The following NRG1 variants were observed in gnomAD, a reference collection of about 807,000 sequenced individuals.
The protein encoded by NRG1 is neuregulin 1, also known as pro-neuregulin-1, membrane-bound isoform.
NRG1 carries 18 observed loss-of-function variants against 63.8 expected under a neutral mutation model. That is an observed-to-expected ratio of 0.28 (90% CI 0.19 to 0.42). The LOEUF is 0.42. NRG1 is among the 10% of genes least tolerant of loss of function. The pLI is 1.00. For synonymous variants in NRG1, 302 were observed against 301.3 expected (o/e 1.00, Z -0.02); for missense variants, 762 against 814.7 (o/e 0.94, Z 0.79).
intron 1 of NRG1, among the ~76,000 whole-genome samples, chr8:32,301,767 A>G (rs1375046453): frequency 2.6e-5 from 4 of 152,144 alleles, no homozygotes; most frequent in Non-Finnish European, 4.4e-5. Context: ...ACAGTGCAGG[A>G]AAGACCGGCC....
At chr8:31,983,742 G>A (rs1240895989) in intron 1 of NRG1, among the ~76,000 whole-genome samples, 2 of 152,080 alleles carry the variant, frequency 1.3e-5, no homozygotes, top group South Asian at 2.1e-4. Flanking sequence ...GAATGATAGA[G>A]CAGTATCAGA....
At chr8:32,721,915 C>T in intron 5 of NRG1, 1 of 1,487,628 alleles carries the variant, frequency 6.7e-7, no homozygotes, top group South Asian at 1.4e-5. Context: ...GTTCAGTCTG[C>T]TCATTATACC....
intron 1 of NRG1, among the ~76,000 whole-genome samples, chr8:32,530,297 C>T (rs1355264219): frequency 4.6e-5 from 7 of 152,028 alleles, no homozygotes; most frequent in African/African-American, 9.6e-5. Flanking sequence ...TTTGTAGAGA[C>T]GGGGTTTCAC....
intron 1 of NRG1, among the ~76,000 whole-genome samples, chr8:31,676,204 C>G (rs191317352): frequency 1.3e-5 from 2 of 152,112 alleles, no homozygotes; most frequent in East Asian, 3.9e-4. Context: ...ATGGGAACAG[C>G]CTTTTGCCCG....
At chr8:32,682,021 G>A (rs2128918282) in intron 5 of NRG1, among the ~76,000 whole-genome samples, 1 of 152,256 alleles carries the variant, frequency 6.6e-6, no homozygotes, top group Non-Finnish European at 1.5e-5. Context: ...ATATATTAAT[G>A]AAAATTGTGA....
chr8:31,639,912 GA>G lies in NRG1; in HGVS notation c.37+485del. On this transcript the variant is annotated intron_variant, in intron 1 of 10. Coordinates refer to the NRG1 transcript ENST00000519301. ...GGAGGAGTGGTGCTGCGAGGGGAAG[GA>G]AAAGGGAGGCAGCGCGAGAGAGCCG... The G allele has an allele frequency of 9.1e-6, 10 of 1,098,398 alleles. No homozygotes were observed. In the East Asian group the frequency reaches 1.7e-4, roughly 18 times the overall value. 68.0% of individuals were successfully genotyped at this position (1,098,398 alleles called of 1,614,324 possible).
At chr8:31,810,591 T>C (rs1430875499) in intron 1 of NRG1, among the ~76,000 whole-genome samples, 1 of 152,168 alleles carries the variant, frequency 6.6e-6, no homozygotes, top group Non-Finnish European at 1.5e-5. Flanking sequence ...ATTACTTGGC[T>C]TCCTCCCTCC....
chr8:32,020,753 A>T (rs1037001781), intron 1 of NRG1, among the ~76,000 whole-genome samples: 1 of 152,222 alleles, frequency 6.6e-6, no homozygotes, highest in Non-Finnish European at 1.5e-5. Context: ...GCATTTCAGA[A>T]TACCTTTGTA....
At chr8:32,253,242 A>C (rs1187739346) in intron 1 of NRG1, among the ~76,000 whole-genome samples, 1 of 152,102 alleles carries the variant, frequency 6.6e-6, no homozygotes, top group Admixed American at 6.6e-5. Context: ...GTTGAATAGG[A>C]GTGGTGACAG....
intron 1 of NRG1, among the ~76,000 whole-genome samples, chr8:32,237,707 A>T (rs751755154): frequency 1.3e-5 from 2 of 152,192 alleles, no homozygotes; most frequent in Non-Finnish European, 1.5e-5. Flanking sequence ...CCACCTAGAA[A>T]CATCAATTGA....
chr8:31,863,846 T>G (rs927142629), intron 1 of NRG1, among the ~76,000 whole-genome samples: 1 of 152,196 alleles, frequency 6.6e-6, no homozygotes, highest in Non-Finnish European at 1.5e-5. Context: ...CTGGGCGCTC[T>G]CATAGCTTCA....
At chr8:32,453,054 T>C (rs912742724) in intron 1 of NRG1, among the ~76,000 whole-genome samples, 1 of 152,196 alleles carries the variant, frequency 6.6e-6, no homozygotes, top group Non-Finnish European at 1.5e-5. Context: ...AACAAAATTA[T>C]GTTAATTTGT....
At chr8:32,663,778 T>C (rs1803459103) in intron 5 of NRG1, among the ~76,000 whole-genome samples, 1 of 152,138 alleles carries the variant, frequency 6.6e-6, no homozygotes, top group African/African-American at 2.4e-5. Context: ...GTTGCAGAAG[T>C]GATGGTCACA....
At chr8:31,668,116 T>A (rs2130979237) in intron 1 of NRG1, among the ~76,000 whole-genome samples, 1 of 152,250 alleles carries the variant, frequency 6.6e-6, no homozygotes, top group East Asian at 1.9e-4. Flanking sequence ...TATTTGAAAA[T>A]TTTCTATAAG....
At chr8:32,365,439 T>A (rs1396898259) in intron 1 of NRG1, among the ~76,000 whole-genome samples, 1 of 152,120 alleles carries the variant, frequency 6.6e-6, no homozygotes, top group Non-Finnish European at 1.5e-5. Flanking sequence ...ATATGGCCTC[T>A]CTCACTTCAA....
At chr8:31,737,963 G>A (rs948351842) in intron 1 of NRG1, among the ~76,000 whole-genome samples, 4 of 151,852 alleles carry the variant, frequency 2.6e-5, no homozygotes, top group Admixed American at 2.6e-4. Flanking sequence ...TTGAACTTAA[G>A]GATAATATTC....
chr8:32,174,564 C>A (rs1269179205), intron 1 of NRG1, among the ~76,000 whole-genome samples: 2 of 151,944 alleles, frequency 1.3e-5, no homozygotes, highest in Non-Finnish European at 2.9e-5. Flanking sequence ...CTGAAAATAT[C>A]AACAAAATTG....
intron 1 of NRG1, among the ~76,000 whole-genome samples, chr8:32,090,468 A>C (rs1162327716): frequency 6.6e-6 from 1 of 152,028 alleles, no homozygotes; most frequent in Non-Finnish European, 1.5e-5. Context: ...TTATAGGTGC[A>C]TGCCATCAGA....
At chr8:32,721,248 TA>T (rs1463976721) in intron 5 of NRG1, among the ~76,000 whole-genome samples, 1 of 152,222 alleles carries the variant, frequency 6.6e-6, no homozygotes, top group Non-Finnish European at 1.5e-5. Flanking sequence ...GGATAAACTA[TA>T]AAATGTGCTA....
Sources: allele counts gnomAD v4.1 joint callset (sites outside exome capture counted in the v4.1 genomes callset), GRCh38; gene constraint gnomAD v4.1.1; transcripts MANE v1.5; gene names NCBI Gene and HGNC (gene_info 2026-07-23, HGNC 2026-07-21).